BLMH: variants seen among roughly 807,000 people sequenced by gnomAD.
BLMH encodes the protein BLM hydrolase.
In BLMH, 32 loss-of-function variants were observed where a neutral mutation model predicts 61.6. The ratio of observed to expected loss-of-function variants is 0.52; its 90% CI spans 0.39 to 0.70. BLMH has a LOEUF of 0.70. Ranked by LOEUF, BLMH falls within the 30% of genes least tolerant of loss-of-function variation. BLMH has a pLI of 0.00. For synonymous variants in BLMH, 183 were observed against 193.8 expected (o/e 0.94, Z 0.46); for missense variants, 460 against 555.5 (o/e 0.83, Z 1.73).
intron 11 of BLMH, among the ~76,000 whole-genome samples, chr17:30,260,851 C>T (rs1042165111): frequency 4.6e-5 from 7 of 152,080 alleles, no homozygotes; most frequent in Non-Finnish European, 8.8e-5. Context: ...CCACTGCACT[C>T]CAGCCTGGGT....
intron 11 of BLMH, among the ~76,000 whole-genome samples, chr17:30,263,546 A>G (rs904072350): frequency 6.6e-6 from 1 of 152,258 alleles, no homozygotes; most frequent in South Asian, 2.1e-4. Context: ...TCCAATTTTC[A>G]GTACAACTGA....
In BLMH at chr17:30,287,802, T is replaced by C. The variant is rs754251135; in HGVS notation, c.463+4A>G. ...TTCAGTTCCATTAAAGAAAGAACTT[T>C]TACCAACAATATTAACAAGCATATC... On this transcript the variant is annotated splice_donor_region_variant and intron_variant, in intron 4 of 11. Coordinates refer to ENST00000261714, the MANE Select transcript of BLMH (RefSeq NM_000386.4). 6.2e-7 allele frequency: 1 copy of C among 1,613,402 alleles called. No homozygotes were observed. Among genetic ancestry groups the C allele is most frequent in the South Asian group, 1.1e-5 (1 of 90,860 alleles).
chr17:30,267,028 C>T, intron 10 of BLMH, 74 bp from the exon 11 acceptor site: 1 of 1,411,344 alleles, frequency 7.1e-7, no homozygotes, highest in Non-Finnish European at 1.0e-6. Context: ...AATTTTAGCT[C>T]TTCTGTAGCC....
chr17:30,289,858 T>G (rs920338481), intron 2 of BLMH, among the ~76,000 whole-genome samples: 7 of 152,166 alleles, frequency 4.6e-5, no homozygotes, highest in African/African-American at 1.7e-4. Flanking sequence ...AGGGAAAAAC[T>G]TTGACTTGTA....
chr17:30,271,847 T>C (rs1327332967), intron 9 of BLMH, among the ~76,000 whole-genome samples: 2 of 152,232 alleles, frequency 1.3e-5, no homozygotes, highest in African/African-American at 2.4e-5. Context: ...TACACTCACA[T>C]TGTTAAATAC....
intron 6 of BLMH, 88 bp downstream of exon 6, chr17:30,285,300 T>G: frequency 2.2e-6 from 2 of 928,696 alleles, no homozygotes; most frequent in Admixed American, 5.2e-5. Flanking sequence ...TTGCCATGAC[T>G]AAAGCTTCCT....
chr17:30,289,151 T>C (rs1311780394), intron 3 of BLMH, among the ~76,000 whole-genome samples: 1 of 152,118 alleles, frequency 6.6e-6, no homozygotes, highest in African/African-American at 2.4e-5. Flanking sequence ...AGCAGTAAGA[T>C]GAGTCAGTAA....
chr17:30,288,360 TTTAC>T (rs1319580192), intron 3 of BLMH, among the ~76,000 whole-genome samples: 1 of 152,164 alleles, frequency 6.6e-6, no homozygotes, highest in Non-Finnish European at 1.5e-5. Flanking sequence ...ATATATTTTA[TTTAC>T]TTATTTATTT....
chr17:30,253,169 G>A (rs1402082698), intron 11 of BLMH, among the ~76,000 whole-genome samples: 1 of 152,180 alleles, frequency 6.6e-6, no homozygotes, highest in Non-Finnish European at 1.5e-5. Context: ...GTGAAGGATA[G>A]AAGCAGATTC....
At chr17:30,250,698 G>A (rs1000332258) in intron 11 of BLMH, among the ~76,000 whole-genome samples, 2 of 152,076 alleles carry the variant, frequency 1.3e-5, no homozygotes, top group African/African-American at 2.4e-5. Context: ...AAGAACTAAC[G>A]ATCTACCATT....
At chr17:30,254,356 C>G (rs927924931) in intron 11 of BLMH, among the ~76,000 whole-genome samples, 3 of 152,174 alleles carry the variant, frequency 2.0e-5, no homozygotes, top group African/African-American at 7.2e-5. Context: ...CACCTGGCAG[C>G]TATAACTCAA....
intron 11 of BLMH, among the ~76,000 whole-genome samples, chr17:30,252,620 C>G (rs1417070921): frequency 6.6e-6 from 1 of 151,186 alleles, no homozygotes; most frequent in Non-Finnish European, 1.5e-5. Flanking sequence ...CCACTGCACT[C>G]TAGCCTAAAC....
At chr17:30,257,408 A>G (rs1028463864) in intron 11 of BLMH, among the ~76,000 whole-genome samples, 3 of 152,228 alleles carry the variant, frequency 2.0e-5, no homozygotes, top group Admixed American at 6.5e-5. Flanking sequence ...TACCACTAGT[A>G]TAAGAAAAGA....
At chr17:30,275,039 T>A (rs796890482) in intron 6 of BLMH, among the ~76,000 whole-genome samples, 56 of 125,448 alleles carry the variant, frequency 4.5e-4, no homozygotes, top group African/African-American at 1.3e-3. Context: ...AGTCATGGTT[T>A]AAAAAAAAAA....
Position 30,274,121 on chromosome 17 carries a change from T to A in BLMH, c.722A>T (p.Asn241Ile), listed in dbSNP as rs757189424. 36 of 1,614,072 alleles carry A rather than the reference T, an allele frequency of 2.2e-5. No individual in the cohort carries two copies. In the African/African-American group the frequency reaches 4.4e-4, roughly 20 times the overall value. The stretch of plus-strand genomic sequence containing the variant: ...TGTTATGGGGCCAATTTTCTGATAA[T>A]TTTTATCTTTGTCTCGATATTCCCA... ...FTWEYRDKDK[N>I]YQKIGPITPL... The change falls in exon 7 of 12, where the codon AAT becomes ATT. Residue 241 changes from asparagine (N) to isoleucine (I), a missense_variant. This residue lies in a region of BLMH where 310 missense variants were observed against 371.1 expected (regional missense o/e 0.84). Transcript: ENST00000261714.
chr17:30,261,889 A>C lies in BLMH; in HGVS notation c.1216+4996T>G, dbSNP rs1423331366. Among the ~76,000 whole-genome samples the C allele has an allele frequency of 6.6e-5, 10 of 152,344 alleles. No individual in the cohort carries two copies. The East Asian group carries it at 1.9e-3, about 29-fold the overall frequency. On this transcript the variant is annotated intron_variant, in intron 11 of 11. Coordinates refer to ENST00000261714, the MANE Select transcript of BLMH (RefSeq NM_000386.4). ...TGCCAAAGTATCTTTAACTGAAACC[A>C]TTTAGAGGCTCCTTTCTAGAAGGAA... is the stretch of plus-strand genomic sequence containing the variant.
chr17:30,288,050 C>A (rs1310459934), intron 3 of BLMH, 103 bp from the exon 4 acceptor site: 4 of 1,190,682 alleles, frequency 3.4e-6, no homozygotes, highest in Non-Finnish European at 4.6e-6. Context: ...ATGGAATCAA[C>A]ATAATAGTTT....
At chr17:30,262,820 A>G (rs1445410181) in intron 11 of BLMH, among the ~76,000 whole-genome samples, 1 of 152,140 alleles carries the variant, frequency 6.6e-6, no homozygotes, top group Non-Finnish European at 1.5e-5. Context: ...AAACAAAACA[A>G]AAAAACAACT....
Position 30,250,240 on chromosome 17 carries a change from T to A in BLMH, c.1217-1072A>T, listed in dbSNP as rs566988478. On this transcript the variant is annotated intron_variant, in intron 11 of 11. Transcript: ENST00000261714. ...AAAACATAAATAAATGGGACCTAAT[T>A]AAACTAAAAGGCTTCTGCACAGCAA... The A allele has an allele frequency of 2.6e-5, 4 of 152,246 alleles. No individual in the cohort carries two copies. In the East Asian group the frequency reaches 7.7e-4, roughly 29 times the overall value. 9.4% of individuals were successfully genotyped at this position (152,246 alleles called of 1,614,324 possible).
Sources: gnomAD v4.1 joint callset for allele counts (sites outside exome capture counted in the v4.1 genomes callset) on GRCh38, gnomAD v4.1.1 for gene constraint, gnomAD v4.1.1 regional missense constraint, MANE v1.5 for transcripts, NCBI Gene and HGNC (gene_info 2026-07-23, HGNC 2026-07-21) for gene names.